Variants in MARCHF1 observed in about 807,000 individuals in gnomAD.
MARCHF1 encodes the protein E3 ubiquitin-protein ligase MARCHF1.
MARCHF1 carries 40 observed loss-of-function variants against 54.2 expected under a neutral mutation model. The ratio of observed to expected loss-of-function variants is 0.74; its 90% CI spans 0.57 to 0.96. The LOEUF is 0.96. Among genes scored for constraint, MARCHF1 ranks in the 40% least tolerant of loss-of-function variants. The pLI is 0.00. For missense variants in MARCHF1, 586 were observed against 656.5 expected, an observed-to-expected ratio of 0.89 and a Z score of 1.17; for synonymous variants, 236 against 236.3, an observed-to-expected ratio of 1.00 and a Z score of 0.01.
intron 1 of MARCHF1, among the ~76,000 whole-genome samples, chr4:164,112,897 G>T (rs1367535591): frequency 6.8e-6 from 1 of 147,754 alleles, no homozygotes; most frequent in African/African-American, 2.6e-5. Flanking sequence ...CACTTTCGCT[G>T]TTTTTTAATA....
At chr4:163,640,759 T>C (rs1243722593) in intron 5 of MARCHF1, among the ~76,000 whole-genome samples, 4 of 150,730 alleles carry the variant, frequency 2.7e-5, no homozygotes, top group South Asian at 2.1e-4. Flanking sequence ...TACAGGATTA[T>C]TGACACTTTA....
At position 164,051,713 on chromosome 4, in the gene MARCHF1, C is replaced by T. The variant is rs115269981; in HGVS notation, c.-248+59875G>A. The stretch of plus-strand genomic sequence containing the variant: ...AAGCCAGCATTTATCCTAGGTCTAA[C>T]TGATTCCCTTGTCCAGATACTTAAT... On this transcript the variant is annotated intron_variant, in intron 2 of 9. Transcript: ENST00000514618. Among the ~76,000 whole-genome samples the T allele has an allele frequency of 3.5e-4, 53 of 152,270 alleles. 1 individual carries two copies. The highest frequency in any genetic ancestry group is 6.5e-4 in the Admixed American group (10 of 15,298).
At chr4:164,008,219 T>G (rs1322740469) in intron 2 of MARCHF1, among the ~76,000 whole-genome samples, 1 of 152,070 alleles carries the variant, frequency 6.6e-6, no homozygotes, top group East Asian at 1.9e-4. Context: ...ATAAATCTGT[T>G]TATAAAAAGA....
chr4:163,697,213 C>T (rs114336019), intron 5 of MARCHF1, among the ~76,000 whole-genome samples: 1,841 of 152,226 alleles, frequency 0.012, 43 homozygotes, highest in African/African-American at 0.042. Flanking sequence ...AGGGTGTAGG[C>T]AACCACATGT....
chr4:164,275,787 T>TA (rs755619819), intron 1 of MARCHF1, among the ~76,000 whole-genome samples: 5 of 152,320 alleles, frequency 3.3e-5, no homozygotes, highest in East Asian at 1.9e-4. Context: ...CATCATTAGT[T>TA]AAAAATATGT....
intron 5 of MARCHF1, among the ~76,000 whole-genome samples, chr4:163,664,984 A>G (rs1399814933): frequency 6.6e-6 from 1 of 152,098 alleles, no homozygotes; most frequent in African/African-American, 2.4e-5. Flanking sequence ...GCTATATGCT[A>G]AAATAGTCAC....
intron 3 of MARCHF1, among the ~76,000 whole-genome samples, chr4:163,935,229 G>C (rs976373351): frequency 6.6e-6 from 1 of 152,082 alleles, no homozygotes; most frequent in Non-Finnish European, 1.5e-5. Flanking sequence ...TCAATTTAAA[G>C]TTACCAGCTG....
intron 1 of MARCHF1, among the ~76,000 whole-genome samples, chr4:164,278,069 G>A (rs9684293): frequency 0.51 from 77,185 of 152,062 alleles, 23,100 homozygotes; most frequent in Non-Finnish European, 0.69. Context: ...ATATCAGCAT[G>A]TTGGGAGGCC....
intron 1 of MARCHF1, among the ~76,000 whole-genome samples, chr4:164,359,130 T>A (rs1730650352): frequency 6.6e-6 from 1 of 152,174 alleles, no homozygotes; most frequent in African/African-American, 2.4e-5. Flanking sequence ...GCAATTCTGT[T>A]GCTTTGCACC....
chr4:164,310,583 T>A (rs1252110724), intron 1 of MARCHF1, among the ~76,000 whole-genome samples: 1 of 151,412 alleles, frequency 6.6e-6, no homozygotes, highest in African/African-American at 2.4e-5. Context: ...TCTATGAAAA[T>A]GTGTTTTTAT....
rs539837546 is a variant in MARCHF1 at position 164,237,661 on chromosome 4, T to TA, written c.-322-126000dup. ...TTTTTATTCTATTCAGTTTCTTTTT[T>TA]AATATTCATGCTGCTCAGAAAGTGC... On this transcript the variant is annotated intron_variant, in intron 1 of 9. Transcript: ENST00000514618. Among the ~76,000 whole-genome samples the TA allele has an allele frequency of 5.9e-5, 9 of 152,162 alleles. No homozygotes were observed. The East Asian group carries it at 1.5e-3, about 26-fold the overall frequency.
chr4:164,167,147 T>C (rs565299311), intron 1 of MARCHF1, among the ~76,000 whole-genome samples: 7 of 151,658 alleles, frequency 4.6e-5, no homozygotes, highest in African/African-American at 1.5e-4. Flanking sequence ...TATGTGACAA[T>C]GCCAGGCACT....
At chr4:163,740,941 T>C (rs1746177393) in intron 4 of MARCHF1, among the ~76,000 whole-genome samples, 1 of 152,206 alleles carries the variant, frequency 6.6e-6, no homozygotes, top group Admixed American at 6.5e-5. Context: ...TCTGTCAATA[T>C]GGACCTCTCC....
chr4:164,067,557 C>T (rs1454016419), intron 2 of MARCHF1, among the ~76,000 whole-genome samples: 1 of 152,138 alleles, frequency 6.6e-6, no homozygotes. Flanking sequence ...GGATCCTTAC[C>T]TTTTGCCATA....
At chr4:164,222,754 G>A (rs1012112431) in intron 1 of MARCHF1, among the ~76,000 whole-genome samples, 31 of 151,978 alleles carry the variant, frequency 2.0e-4, no homozygotes, top group African/African-American at 7.0e-4. Context: ...AATGAGTAAT[G>A]ATTTCTCAGT....
intron 4 of MARCHF1, among the ~76,000 whole-genome samples, chr4:163,735,133 C>G (rs1745998639): frequency 6.6e-6 from 1 of 152,270 alleles, no homozygotes; most frequent in East Asian, 1.9e-4. Flanking sequence ...CTTTAATTCT[C>G]TAATCCAGTG....
chr4:163,912,302 G>A (rs1459111099), intron 3 of MARCHF1, among the ~76,000 whole-genome samples: 1 of 152,112 alleles, frequency 6.6e-6, no homozygotes, highest in East Asian at 1.9e-4. Context: ...AAGGAGAAGA[G>A]AATAGATACT....
At chr4:164,078,567 G>T (rs1755027407) in intron 2 of MARCHF1, among the ~76,000 whole-genome samples, 1 of 151,896 alleles carries the variant, frequency 6.6e-6, no homozygotes, top group African/African-American at 2.4e-5. Context: ...AACTATGTTT[G>T]TTGTGTTCAA....
At chr4:163,707,690 T>C (rs1744987848) in intron 4 of MARCHF1, among the ~76,000 whole-genome samples, 2 of 150,364 alleles carry the variant, frequency 1.3e-5, no homozygotes, top group South Asian at 4.2e-4. Context: ...CTTCATGCAG[T>C]AATTTCACCC....
Sources: gnomAD v4.1 joint callset for allele counts (sites outside exome capture counted in the v4.1 genomes callset) on GRCh38, gnomAD v4.1.1 for gene constraint, MANE v1.5 for transcripts, NCBI Gene and HGNC (gene_info 2026-07-23, HGNC 2026-07-21) for gene names.